The following PTPRN2 variants were observed in gnomAD, a reference collection of about 807,000 sequenced individuals.
PTPRN2 encodes receptor-type tyrosine-protein phosphatase N2.
Under a neutral mutation model 118.8 loss-of-function variants are expected in PTPRN2, and 74 were observed. The observed-to-expected ratio is 0.62, with a 90% CI of 0.52 to 0.76. PTPRN2 has a LOEUF of 0.76. PTPRN2 is among the 30% of genes least tolerant of loss of function. The pLI is 0.00. For missense variants in PTPRN2, 1,481 were observed against 1,394.4 expected (o/e 1.06, Z -0.99); for synonymous variants, 641 against 608.0 (o/e 1.05, Z -0.80).
intron 2 of PTPRN2, among the ~76,000 whole-genome samples, chr7:158,367,180 C>T (rs1230664059): frequency 6.6e-6 from 1 of 152,212 alleles, no homozygotes; most frequent in African/African-American, 2.4e-5. Context: ...TCGGAAGCAT[C>T]TGGCCCAGGC....
intron 3 of PTPRN2, among the ~76,000 whole-genome samples, chr7:158,206,173 C>T (rs1401077679): frequency 6.6e-6 from 1 of 152,186 alleles, no homozygotes; most frequent in African/African-American, 2.4e-5. Context: ...GAGACTCCTT[C>T]CTTCTCCTTG....
intron 12 of PTPRN2, among the ~76,000 whole-genome samples, chr7:157,824,633 G>T (rs1405508164): frequency 6.6e-6 from 1 of 152,198 alleles, no homozygotes; most frequent in African/African-American, 2.4e-5. Context: ...ATTCCGGAGG[G>T]ACATGGTGAG....
intron 2 of PTPRN2, among the ~76,000 whole-genome samples, chr7:158,327,500 TTC>T (rs1250012612): frequency 2.0e-5 from 3 of 151,518 alleles, no homozygotes; most frequent in Admixed American, 6.6e-5. Context: ...CATGCACAAG[TTC>T]TCACACACAT....
intron 10 of PTPRN2, among the ~76,000 whole-genome samples, chr7:158,095,008 C>T (rs1227235534): frequency 6.6e-6 from 1 of 152,182 alleles, no homozygotes; most frequent in Non-Finnish European, 1.5e-5. Context: ...GTAACGCACA[C>T]TCATGGGCCA....
In PTPRN2 at chr7:158,262,654, CTG is replaced by C. The variant is rs1271206208; in HGVS notation, c.277+54163_277+54164del. Among the ~76,000 whole-genome samples, 20 of 148,862 alleles carry C rather than the reference CTG, an allele frequency of 1.3e-4. No individual in the cohort carries two copies. In the East Asian group the frequency reaches 3.9e-3, roughly 29 times the overall value. ...ACACTGCAAACATTCACTGCACACA[CTG>C]ACACACTGCACGCACATTCACACAT... On this transcript the variant is annotated intron_variant, in intron 3 of 22. Transcript: ENST00000389418.
intron 3 of PTPRN2, among the ~76,000 whole-genome samples, chr7:158,218,694 C>T (rs1347868954): frequency 1.3e-5 from 2 of 152,208 alleles, no homozygotes; most frequent in Non-Finnish European, 2.9e-5. Context: ...GAACCCATCT[C>T]ACATGTAATG....
At chr7:158,145,745 C>A (rs761912447) in intron 6 of PTPRN2, among the ~76,000 whole-genome samples, 2 of 152,162 alleles carry the variant, frequency 1.3e-5, no homozygotes, top group African/African-American at 4.8e-5. Flanking sequence ...ATTTCTTTTT[C>A]CATCATTGCA....
chr7:157,896,444 C>T (rs1055487501), intron 12 of PTPRN2, among the ~76,000 whole-genome samples: 11 of 151,108 alleles, frequency 7.3e-5, no homozygotes, highest in Non-Finnish European at 3.0e-5. Context: ...GGCTCAGGTG[C>T]GTGTGGGAAG....
Position 158,320,923 on chromosome 7 carries a change from T to A in PTPRN2, c.164-3991A>T, listed in dbSNP as rs183766049. 6.3e-3 allele frequency among the ~76,000 whole-genome samples: 961 copies of A among 152,210 alleles called. 11 individuals carry two copies. The highest frequency in any genetic ancestry group is 7.3e-3 in the Non-Finnish European group (496 of 68,012). ...GCAGTGAAATAGAAAATTAAGGAAA[T>A]TTCTAAATACATCTGGTAGAATTGA... On this transcript the variant is annotated intron_variant, in intron 2 of 22. Transcript: ENST00000389418.
intron 2 of PTPRN2, among the ~76,000 whole-genome samples, chr7:158,448,082 C>G (rs1372597631): frequency 6.6e-6 from 1 of 152,192 alleles, no homozygotes; most frequent in Non-Finnish European, 1.5e-5. Flanking sequence ...GTGCCCCACT[C>G]CAGCCACTCC....
chr7:158,324,544 G>T (rs1005172988), intron 2 of PTPRN2, among the ~76,000 whole-genome samples: 1 of 151,798 alleles, frequency 6.6e-6, no homozygotes, highest in Non-Finnish European at 1.5e-5. Flanking sequence ...CATGAGTCTC[G>T]CAAGTTCTCA....
chr7:158,424,561 G>T (rs1815538026), intron 2 of PTPRN2, among the ~76,000 whole-genome samples: 1 of 152,232 alleles, frequency 6.6e-6, no homozygotes, highest in Non-Finnish European at 1.5e-5. Flanking sequence ...TCATATGTGT[G>T]TACGGAACAG....
intron 11 of PTPRN2, among the ~76,000 whole-genome samples, chr7:157,907,765 G>T (rs1378449277): frequency 6.6e-6 from 1 of 152,002 alleles, no homozygotes; most frequent in Admixed American, 6.5e-5. Context: ...TGGGCCTCAG[G>T]CTTCTCTTTT....
At chr7:157,633,404 C>T (rs1804088320) in intron 14 of PTPRN2, among the ~76,000 whole-genome samples, 2 of 152,182 alleles carry the variant, frequency 1.3e-5, no homozygotes, top group Admixed American at 1.3e-4. Context: ...TGGCCTCCCA[C>T]AGTACTGGGA....
intron 2 of PTPRN2, among the ~76,000 whole-genome samples, chr7:158,450,953 G>A (rs1310590970): frequency 6.6e-6 from 1 of 152,192 alleles, no homozygotes; most frequent in Admixed American, 6.5e-5. Flanking sequence ...GGAGCTCAGA[G>A]GTTGTGTATC....
At chr7:157,856,032 C>T (rs1452514066) in intron 12 of PTPRN2, 2 of 152,262 alleles carry the variant, frequency 1.3e-5, no homozygotes, top group Non-Finnish European at 2.9e-5. Context: ...AGGAAGTCAG[C>T]TGTGCTGCTT....
At chr7:157,855,262 C>T (rs1405407530) in intron 12 of PTPRN2, among the ~76,000 whole-genome samples, 1 of 152,156 alleles carries the variant, frequency 6.6e-6, no homozygotes, top group Non-Finnish European at 1.5e-5. Flanking sequence ...GACTCTCGTG[C>T]TCTGCGGACG....
chr7:158,288,485 G>T (rs1799900388), intron 3 of PTPRN2, among the ~76,000 whole-genome samples: 1 of 152,048 alleles, frequency 6.6e-6, no homozygotes, highest in African/African-American at 2.4e-5. Context: ...TTACCATGAG[G>T]CTTACATAAA....
intron 12 of PTPRN2, among the ~76,000 whole-genome samples, chr7:157,891,184 G>A (rs1162030928): frequency 6.6e-6 from 1 of 152,198 alleles, no homozygotes; most frequent in Non-Finnish European, 1.5e-5. Flanking sequence ...CAGCTGATAT[G>A]TTCCTGCTAT....
Sources: gnomAD v4.1 joint callset for allele counts (sites outside exome capture counted in the v4.1 genomes callset) on GRCh38, gnomAD v4.1.1 for gene constraint, MANE v1.5 for transcripts, NCBI Gene and HGNC (gene_info 2026-07-23, HGNC 2026-07-21) for gene names.